Variants in HLCS observed in about 807,000 individuals in gnomAD.
HLCS encodes the protein holocarboxylase synthetase.
A neutral mutation model predicts 75.0 loss-of-function variants in HLCS; 53 were observed. That is an observed-to-expected ratio of 0.71 (90% CI 0.57 to 0.89). The LOEUF is 0.89. HLCS is among the 40% of genes least tolerant of loss of function. The pLI, the probability that HLCS is intolerant of heterozygous loss-of-function variation, is 0.00. For missense variants in HLCS, 966 were observed against 1,074.0 expected, an observed-to-expected ratio of 0.90 and a Z score of 1.41; for synonymous variants, 431 against 428.6, an observed-to-expected ratio of 1.01 and a Z score of -0.07.
chr21:36,769,517 T>G (rs1443850466), intron 6 of HLCS, among the ~76,000 whole-genome samples: 1 of 151,394 alleles, frequency 6.6e-6, no homozygotes, highest in Non-Finnish European at 1.5e-5. Flanking sequence ...AGGAGGGGGG[T>G]TCCATAATGA....
chr21:36,756,174 C>T (rs998049984), intron 10 of HLCS, among the ~76,000 whole-genome samples: 2 of 152,060 alleles, frequency 1.3e-5, no homozygotes, highest in Non-Finnish European at 2.9e-5. Context: ...CGCGGTGGCT[C>T]ACACCTGTAA....
intron 6 of HLCS, among the ~76,000 whole-genome samples, chr21:36,768,804 A>G (rs1251296567): frequency 6.6e-6 from 1 of 152,238 alleles, no homozygotes; most frequent in African/African-American, 2.4e-5. Flanking sequence ...GTCCAAGAAG[A>G]AAGCGTCCTT....
intron 6 of HLCS, among the ~76,000 whole-genome samples, chr21:36,808,661 ATGAT>A (rs1382479615): frequency 6.6e-6 from 1 of 152,218 alleles, no homozygotes; most frequent in Admixed American, 6.5e-5. Flanking sequence ...AAATTCTTAT[ATGAT>A]TAACAATGAA....
At chr21:36,933,050 AG>A (rs2066717613) in intron 4 of HLCS, among the ~76,000 whole-genome samples, 1 of 152,184 alleles carries the variant, frequency 6.6e-6, no homozygotes, top group Admixed American at 6.5e-5. Context: ...CCTGGGAGGC[AG>A]AGGTTGCAGT....
chr21:36,807,291 G>A (rs770900173), intron 6 of HLCS, among the ~76,000 whole-genome samples: 4 of 151,966 alleles, frequency 2.6e-5, no homozygotes, highest in East Asian at 3.9e-4. Context: ...CCTGGAGCCC[G>A]ATTCTCCCAA....
At chr21:36,928,426 C>G (rs981205615) in intron 5 of HLCS, among the ~76,000 whole-genome samples, 2 of 151,932 alleles carry the variant, frequency 1.3e-5, no homozygotes, top group African/African-American at 4.8e-5. Flanking sequence ...AAAAATTAGC[C>G]AGGCATGGTG....
intron 9 of HLCS, among the ~76,000 whole-genome samples, chr21:36,757,329 C>T (rs2089642437): frequency 6.6e-6 from 1 of 152,192 alleles, no homozygotes; most frequent in South Asian, 2.1e-4. Flanking sequence ...AAGACGCCGA[C>T]TCATGTTCAG....
chr21:36,902,116 G>A (rs1320172305), intron 5 of HLCS, among the ~76,000 whole-genome samples: 1 of 152,138 alleles, frequency 6.6e-6, no homozygotes, highest in African/African-American at 2.4e-5. Context: ...CAGTTTGAGA[G>A]GCGTGATGGA....
At chr21:36,951,880 G>A (rs747980280) in intron 2 of HLCS, among the ~76,000 whole-genome samples, 1 of 152,176 alleles carries the variant, frequency 6.6e-6, no homozygotes, top group African/African-American at 2.4e-5. Flanking sequence ...TAAGTGAAAC[G>A]TAGCTGTTCA....
At chr21:36,917,950 TAA>T (rs71311088) in intron 5 of HLCS, among the ~76,000 whole-genome samples, 53 of 140,998 alleles carry the variant, frequency 3.8e-4, no homozygotes, top group Admixed American at 9.9e-4. Flanking sequence ...TCTCTTGCAT[TAA>T]AAAAAAAAAA....
intron 6 of HLCS, among the ~76,000 whole-genome samples, chr21:36,800,321 C>A (rs376617792): frequency 2.0e-5 from 3 of 152,084 alleles, no homozygotes; most frequent in African/African-American, 7.2e-5. Flanking sequence ...GTGGGTACTC[C>A]GTAACTACTT....
intron 6 of HLCS, among the ~76,000 whole-genome samples, chr21:36,771,019 A>C (rs915117692): frequency 2.6e-5 from 4 of 152,014 alleles, no homozygotes; most frequent in Non-Finnish European, 4.4e-5. Context: ...GGAGATCAAG[A>C]CCATCCTGGC....
chr21:36,954,280 C>T (rs554942541), intron 2 of HLCS, among the ~76,000 whole-genome samples: 8 of 148,226 alleles, frequency 5.4e-5, no homozygotes, highest in Admixed American at 1.4e-4. Flanking sequence ...TCCAGCCTGG[C>T]GACAGAGCGA....
intron 6 of HLCS, among the ~76,000 whole-genome samples, chr21:36,783,530 T>C (rs899125924): frequency 6.6e-6 from 1 of 152,254 alleles, no homozygotes; most frequent in Non-Finnish European, 1.5e-5. Context: ...TGGAGAGATT[T>C]CATTTTCTAG....
intron 5 of HLCS, among the ~76,000 whole-genome samples, chr21:36,916,659 G>C (rs146051871): frequency 6.6e-6 from 1 of 151,222 alleles, no homozygotes; most frequent in Non-Finnish European, 1.5e-5. Context: ...GGCATGAGCC[G>C]CTGCACCTGA....
chr21:36,761,741 C>G lies in HLCS; in HGVS notation c.2122-1900G>C, dbSNP rs546411604. On this transcript the variant is annotated intron_variant, in intron 8 of 10. Coordinates refer to ENST00000674895, the MANE Select transcript of HLCS (RefSeq NM_001352514.2). ...CTAGGAAACCTGTGTCTAGGAGGCT[C>G]TGCTCTTCATCACTGCCCCCAGTTC... Among the ~76,000 whole-genome samples the G allele has an allele frequency of 2.0e-5, 3 of 152,348 alleles. No individual in the cohort carries two copies. The South Asian group carries it at 6.2e-4, about 32-fold the overall frequency.
Position 36,841,461 on chromosome 21 carries a change from C to T in HLCS, c.1892+55399G>A, listed in dbSNP as rs547167023. On this transcript the variant is annotated intron_variant, in intron 6 of 10. Coordinates refer to ENST00000674895, the MANE Select transcript of HLCS (RefSeq NM_001352514.2). ...TGTGAGGTCTGTGTAAAGGATAGGA[C>T]GATGGCCTCTGCCACGTGATCTAGA... Among the ~76,000 whole-genome samples, 19 of 152,296 alleles carry T rather than the reference C, an allele frequency of 1.2e-4. No individual in the cohort carries two copies. The South Asian group carries it at 2.1e-3, about 17-fold the overall frequency.
chr21:36,820,293 T>C (rs1294185535), intron 6 of HLCS, among the ~76,000 whole-genome samples: 1 of 152,148 alleles, frequency 6.6e-6, no homozygotes, highest in African/African-American at 2.4e-5. Flanking sequence ...TGGGAACAGG[T>C]GAGAGCCACG....
chr21:36,965,694 A>G (rs566826500), intron 1 of HLCS, among the ~76,000 whole-genome samples: 38 of 152,116 alleles, frequency 2.5e-4, no homozygotes, highest in Non-Finnish European at 1.5e-4. Context: ...ACATCTGACA[A>G]AAAGCTGATG....
Sources: gnomAD v4.1 joint callset for allele counts (sites outside exome capture counted in the v4.1 genomes callset) on GRCh38, gnomAD v4.1.1 for gene constraint, MANE v1.5 for transcripts, NCBI Gene and HGNC (gene_info 2026-07-23, HGNC 2026-07-21) for gene names.